CADPS: variants seen among roughly 807,000 people sequenced by gnomAD.
CADPS encodes calcium-dependent secretion activator 1.
CADPS carries 57 observed loss-of-function variants against 167.3 expected under a neutral mutation model. That is an observed-to-expected ratio of 0.34 (90% CI 0.28 to 0.42). The LOEUF (loss-of-function observed/expected upper bound fraction) is 0.42. CADPS is among the 20% of genes least tolerant of loss of function. The pLI is 1.00. For synonymous variants in CADPS, 676 were observed against 635.3 expected, an observed-to-expected ratio of 1.06 and a Z score of -0.96; for missense variants, 1,414 against 1,738.1, an observed-to-expected ratio of 0.81 and a Z score of 3.32.
chr3:62,720,961 G>T (rs1460932947), intron 3 of CADPS, among the ~76,000 whole-genome samples: 1 of 151,418 alleles, frequency 6.6e-6, no homozygotes, highest in South Asian at 2.1e-4. Flanking sequence ...GGGACTACAG[G>T]TGTCCACCAC....
At chr3:62,679,712 A>C (rs1382475297) in intron 3 of CADPS, among the ~76,000 whole-genome samples, 1 of 152,000 alleles carries the variant, frequency 6.6e-6, no homozygotes, top group Non-Finnish European at 1.5e-5. Context: ...CCCTGCATTG[A>C]CCCTGGAAAA....
At chr3:62,726,451 G>A (rs1183280750) in intron 3 of CADPS, among the ~76,000 whole-genome samples, 1 of 151,872 alleles carries the variant, frequency 6.6e-6, no homozygotes, top group Non-Finnish European at 1.5e-5. Context: ...AAACAACCCT[G>A]AGTTCCTCAG....
chr3:62,838,287 A>G (rs2076182575), intron 1 of CADPS, among the ~76,000 whole-genome samples: 1 of 152,220 alleles, frequency 6.6e-6, no homozygotes, highest in Admixed American at 6.5e-5. Context: ...GGGCTACACA[A>G]TTGAAAGTGT....
intron 1 of CADPS, among the ~76,000 whole-genome samples, chr3:62,771,269 T>C (rs1014412380): frequency 1.3e-5 from 2 of 152,310 alleles, no homozygotes; most frequent in East Asian, 3.9e-4. Context: ...GGCACAGTGT[T>C]AGGCTCTGGC....
At chr3:62,739,593 T>A (rs531533344) in intron 3 of CADPS, among the ~76,000 whole-genome samples, 19 of 152,304 alleles carry the variant, frequency 1.2e-4, no homozygotes, top group Admixed American at 9.2e-4. Flanking sequence ...ACACTTCTTA[T>A]CTCTTGTCCA....
chr3:62,588,635 A>G (rs920684265), intron 7 of CADPS, among the ~76,000 whole-genome samples: 6 of 152,216 alleles, frequency 3.9e-5, no homozygotes, highest in Admixed American at 2.6e-4. Flanking sequence ...ATACCCACAC[A>G]TATACAAATA....
In CADPS at chr3:62,438,260, T is replaced by C; in HGVS notation, c.3670-49A>G. Reference sequence around the variant, plus strand: ...AAAACGAATTTTCAGACAGCCACTCTTCCTTGTTTACCATTCACTTGTACC... The same window carrying C: ...AAAACGAATTTTCAGACAGCCACTCCTCCTTGTTTACCATTCACTTGTACC... On this transcript the variant is annotated intron_variant, in intron 27 of 29. Coordinates refer to ENST00000383710, the MANE Select transcript of CADPS (RefSeq NM_003716.4). The surrounding 1 kb of genome is among the most constrained non-coding windows in gnomAD (Gnocchi z 4.7). The C allele has an allele frequency of 7.4e-7, 1 of 1,360,496 alleles. No homozygotes were observed. Among genetic ancestry groups the C allele is most frequent in the Non-Finnish European group, 1.1e-6 (1 of 950,626 alleles). 84.3% of individuals were successfully genotyped at this position (1,360,496 alleles called of 1,614,324 possible). A position where few individuals can be genotyped will look rare whatever the true frequency, so the allele number is the denominator to read the frequency against.
intron 8 of CADPS, among the ~76,000 whole-genome samples, chr3:62,584,437 G>C (rs917146674): frequency 6.6e-6 from 1 of 152,178 alleles, no homozygotes; most frequent in Non-Finnish European, 1.5e-5. Context: ...AGTTGGCAGC[G>C]TACCTGCAGA....
intron 10 of CADPS, chr3:62,550,819 G>A (rs992274498): frequency 2.2e-5 from 10 of 456,464 alleles, no homozygotes; most frequent in African/African-American, 1.6e-4. Flanking sequence ...CTGATTAAAA[G>A]CCCTCATTTT....
intron 3 of CADPS, among the ~76,000 whole-genome samples, chr3:62,730,215 G>A (rs581316): frequency 4.0e-5 from 6 of 151,860 alleles, no homozygotes; most frequent in African/African-American, 7.3e-5. Flanking sequence ...TTCCTACCCC[G>A]GTCCAGTGCT....
rs192492022 is a variant in CADPS, at chr3:62,780,278, C to T, written c.442-14294G>A. Among the ~76,000 whole-genome samples, 482 of 152,230 alleles carry T rather than the reference C, an allele frequency of 3.2e-3. 2 individuals carry two copies. The highest frequency in any genetic ancestry group is 6.8e-3 in the Middle Eastern group (2 of 294). On this transcript the variant is annotated intron_variant, in intron 1 of 29. Transcript: ENST00000383710. The stretch of plus-strand genomic sequence containing the variant: ...AAACTTTTTCAAAAAATTAGCCAGG[C>T]ATAGTGGTGCATGACTGTGGTCCCA...
intron 1 of CADPS, among the ~76,000 whole-genome samples, chr3:62,798,027 T>C (rs940758469): frequency 3.9e-5 from 6 of 152,154 alleles, no homozygotes; most frequent in African/African-American, 1.4e-4. Context: ...TTTGGAGCTG[T>C]GGATACAAAA....
intron 1 of CADPS, among the ~76,000 whole-genome samples, chr3:62,819,149 C>T (rs184403922): frequency 6.6e-6 from 1 of 151,952 alleles, no homozygotes; most frequent in Non-Finnish European, 1.5e-5. Flanking sequence ...GTGAACTGTA[C>T]ACTTAAGATC....
chr3:62,567,275 G>A (rs778363864), intron 9 of CADPS, among the ~76,000 whole-genome samples: 1 of 151,994 alleles, frequency 6.6e-6, no homozygotes, highest in African/African-American at 2.4e-5. Context: ...GCCACTTCTC[G>A]GAGCACATGA....
At chr3:62,717,842 C>A in intron 3 of CADPS, among the ~76,000 whole-genome samples, 1 of 152,268 alleles carries the variant, frequency 6.6e-6, no homozygotes, top group Non-Finnish European at 1.5e-5. Flanking sequence ...CTGATTGACC[C>A]CATTAGATCC....
chr3:62,574,328 TAAG>T (rs1020963429), intron 8 of CADPS, among the ~76,000 whole-genome samples: 1 of 150,050 alleles, frequency 6.7e-6, no homozygotes, highest in Non-Finnish European at 1.5e-5. Flanking sequence ...TATTTCTATT[TAAG>T]AAGATCTCAC....
At position 62,460,716 on chromosome 3, in the gene CADPS, T is replaced by C. The variant is rs535175328; in HGVS notation, c.3636+4651A>G. Among the ~76,000 whole-genome samples, 14 of 152,354 alleles carry C rather than the reference T, an allele frequency of 9.2e-5. No homozygotes were observed. The East Asian group carries it at 2.7e-3, about 29-fold the overall frequency. ...ATTTACACAAACGTCTCGCAAATTC[T>C]AGTGGGGAGAAACATATCTGTTTTG... On this transcript the variant is annotated intron_variant, in intron 26 of 29. Transcript: ENST00000383710.
At chr3:62,858,267 G>T (rs1453968285) in intron 1 of CADPS, among the ~76,000 whole-genome samples, 4 of 152,130 alleles carry the variant, frequency 2.6e-5, no homozygotes, top group African/African-American at 9.7e-5. Flanking sequence ...ACTATATTCA[G>T]CCTTGGCTTC....
At chr3:62,539,114 C>T (rs894144086) in intron 11 of CADPS, among the ~76,000 whole-genome samples, 1 of 152,118 alleles carries the variant, frequency 6.6e-6, no homozygotes, top group African/African-American at 2.4e-5. Context: ...TCTCCCCATC[C>T]ACTTGTAGCA....
Sources: allele counts gnomAD v4.1 joint callset (sites outside exome capture counted in the v4.1 genomes callset), GRCh38; gene constraint gnomAD v4.1.1; non-coding constraint Gnocchi (gnomAD v3.1); transcripts MANE v1.5; gene names NCBI Gene and HGNC (gene_info 2026-07-23, HGNC 2026-07-21).